The following PFKP variants were observed in gnomAD, a reference collection of about 807,000 sequenced individuals.
PFKP encodes the protein phosphofructokinase, platelet.
A neutral mutation model predicts 94.3 loss-of-function variants in PFKP; 101 were observed. The ratio of observed to expected loss-of-function variants is 1.07; its 90% confidence interval spans 0.91 to 1.26. The LOEUF (loss-of-function observed/expected upper bound fraction) is 1.26, where lower values mean the gene tolerates loss of function less well. Among genes scored for constraint, PFKP ranks in the 50% most tolerant of loss-of-function variants. PFKP has a pLI of 0.00. For synonymous variants in PFKP, 573 were observed against 432.6 expected (o/e 1.32, Z -4.03); for missense variants, 1,145 against 1,103.3 (o/e 1.04, Z -0.53).
intron 2 of PFKP, among the ~76,000 whole-genome samples, chr10:3,084,071 T>C (rs958137470): frequency 5.3e-5 from 8 of 152,258 alleles, no homozygotes; most frequent in Non-Finnish European, 1.2e-4. Flanking sequence ...TAAGCTATTG[T>C]AACACTGCAA....
rs188172848 is a variant in PFKP at position 3,093,683 on chromosome 10, A to G, written c.187-5592A>G. Among the ~76,000 whole-genome samples the G allele has an allele frequency of 4.9e-3, 588 of 119,308 alleles. 4 individuals carry two copies. The highest frequency in any genetic ancestry group is 0.017 in the African/African-American group (522 of 29,952). 78.3% of individuals were successfully genotyped at this position (119,308 alleles called of 152,430 possible). Reference sequence around the variant, plus strand: ...TTTTGAGACAGAGTCTTGCTCTGTCACCCAGGCTGGAGTGCAGTGGCGCAA... The same window carrying G: ...TTTTGAGACAGAGTCTTGCTCTGTCGCCCAGGCTGGAGTGCAGTGGCGCAA... On this transcript the variant is annotated intron_variant, in intron 2 of 21. Transcript: ENST00000381125.
chr10:3,125,158 C>G (rs1405045021), intron 16 of PFKP: 3 of 1,350,494 alleles, frequency 2.2e-6, no homozygotes, highest in East Asian at 4.8e-5. Flanking sequence ...CTTTGCATCC[C>G]CCTGTGTGTG....
At chr10:3,109,040 C>A in intron 9 of PFKP, among the ~76,000 whole-genome samples, 1 of 148,586 alleles carries the variant, frequency 6.7e-6, no homozygotes, top group Non-Finnish European at 1.5e-5. Context: ...GACGTGGACC[C>A]CAGAGGGCAC....
At position 3,118,851 on chromosome 10, in the gene PFKP, G is replaced by C. The variant is rs375776583; in HGVS notation, c.1512G>C (p.Leu504=). The C allele has an allele frequency of 3.3e-5, 53 of 1,612,868 alleles. No individual in the cohort carries two copies. Among genetic ancestry groups the C allele is most frequent in the Non-Finnish European group, 2.2e-5 (26 of 1,179,230 alleles). The change falls in exon 15 of 22, where the codon CTG becomes CTC. Residue 504 remains leucine (L), a synonymous_variant. Transcript: ENST00000381125. ...GCACGCACAGCATCAACGCGCTGCT[G>C]ATCATCGGTGGATTCGAGGTACGTT... is the stretch of plus-strand genomic sequence containing the variant. ...QMRTHSINAL[L]IIGGFEAYLG...
At chr10:3,101,950 G>T (rs1835032158) in intron 4 of PFKP, among the ~76,000 whole-genome samples, 1 of 152,136 alleles carries the variant, frequency 6.6e-6, no homozygotes, top group African/African-American at 2.4e-5. Context: ...GCTCGCTGGG[G>T]TCCTTTAAAA....
rs149469235 is a variant in PFKP, at chr10:3,077,599, A to G, written c.113-4789A>G. Among the ~76,000 whole-genome samples the G allele has an allele frequency of 2.1e-3, 319 of 152,134 alleles. 2 individuals carry two copies. Among genetic ancestry groups the G allele is most frequent in the African/African-American group, 7.3e-3 (303 of 41,500 alleles). Reference sequence around the variant, plus strand: ...ACTTTTTAAAAAAAAAATGCAATTTAGATTTTATCAGAGCAGAATCCCAGG... The same window carrying G: ...ACTTTTTAAAAAAAAAATGCAATTTGGATTTTATCAGAGCAGAATCCCAGG... On this transcript the variant is annotated intron_variant, in intron 1 of 21. Transcript: ENST00000381125.
At chr10:3,111,323 T>C (rs7921718) in intron 10 of PFKP, among the ~76,000 whole-genome samples, 150,808 of 152,116 alleles carry the variant, frequency 0.99, 74,775 homozygotes, top group Middle Eastern at 1. Flanking sequence ...CATATGTGTG[T>C]ATGTTGGAGT....
chr10:3,128,392 G>C (rs144308973), intron 16 of PFKP, among the ~76,000 whole-genome samples: 35 of 152,346 alleles, frequency 2.3e-4, no homozygotes, highest in Non-Finnish European at 4.1e-4. Flanking sequence ...AAACCAGGTG[G>C]TGTTTTCCTG....
In PFKP at chr10:3,113,808, G is replaced by GC. The variant is rs200479272; in HGVS notation, c.1371+290_1371+291insC. ...GCCCTGACATTAGGTGAGAAGGAAG[G>GC]TGGCGTTGTCTCGGAGGCTGTGGTT... On this transcript the variant is annotated intron_variant, in intron 13 of 21. Transcript: ENST00000381125. 7.1e-3 allele frequency among the ~76,000 whole-genome samples: 1,074 copies of GC among 152,300 alleles called. 12 individuals are homozygous for GC. The highest frequency in any genetic ancestry group is 0.024 in the African/African-American group (1,017 of 41,570).
Position 3,099,258 on chromosome 10 carries a change from C to T in PFKP, c.187-17C>T, listed in dbSNP as rs748114452. ...AAGTTTATCTCATTTTTAAAAGATT[C>T]TCCCTTTCTCCCCTAGGGCTACCAG... On this transcript the variant is annotated splice_polypyrimidine_tract_variant and intron_variant, in intron 2 of 21. Coordinates refer to ENST00000381125, the MANE Select transcript of PFKP (RefSeq NM_002627.5). 2 of 1,598,072 alleles carry T rather than the reference C, an allele frequency of 1.3e-6. No homozygotes were observed. Among genetic ancestry groups the T allele is most frequent in the Admixed American group, 3.3e-5 (2 of 59,820 alleles).
At chr10:3,119,447 A>C (rs1253356141) in intron 15 of PFKP, among the ~76,000 whole-genome samples, 1 of 149,856 alleles carries the variant, frequency 6.7e-6, no homozygotes, top group Non-Finnish European at 1.5e-5. Context: ...CTCTACTAAA[A>C]TATAAAAATT....
intron 7 of PFKP, among the ~76,000 whole-genome samples, chr10:3,106,586 C>A (rs113063104): frequency 0.14 from 12,749 of 91,832 alleles, 855 homozygotes; most frequent in East Asian, 0.27. Context: ...CCGCCCTGCT[C>A]CTTCACCCCT....
At chr10:3,100,428 G>C (rs561806226) in intron 3 of PFKP, among the ~76,000 whole-genome samples, 1 of 152,108 alleles carries the variant, frequency 6.6e-6, no homozygotes, top group Non-Finnish European at 1.5e-5. Context: ...ATGGTGGTAG[G>C]TTTCATGTAA....
intron 2 of PFKP, among the ~76,000 whole-genome samples, chr10:3,086,687 G>T (rs988472391): frequency 1.3e-5 from 2 of 152,042 alleles, no homozygotes; most frequent in Non-Finnish European, 2.9e-5. Flanking sequence ...AATGTTGTTA[G>T]CTGGGGAGGG....
At chr10:3,072,385 G>A (rs1832263045) in intron 1 of PFKP, among the ~76,000 whole-genome samples, 1 of 152,208 alleles carries the variant, frequency 6.6e-6, no homozygotes, top group African/African-American at 2.4e-5. Flanking sequence ...AGCCCAGTAG[G>A]GTGGAAGGGG....
chr10:3,099,001 C>T (rs923251260), intron 2 of PFKP, among the ~76,000 whole-genome samples: 2 of 152,188 alleles, frequency 1.3e-5, no homozygotes, highest in Non-Finnish European at 2.9e-5. Flanking sequence ...CTTTCAACCT[C>T]TCGGGAAACG....
chr10:3,105,252 C>T, intron 6 of PFKP, 93 bp downstream of exon 6: 1 of 1,390,606 alleles, frequency 7.2e-7, no homozygotes, highest in Non-Finnish European at 1.0e-6. Flanking sequence ...CTGAATGCTC[C>T]CGTGGAAAGT....
chr10:3,084,619 T>C (rs2131433810), intron 2 of PFKP, among the ~76,000 whole-genome samples: 1 of 152,108 alleles, frequency 6.6e-6, no homozygotes, highest in East Asian at 1.9e-4. Context: ...TTTCCCTGCC[T>C]GGACCCTGGC....
chr10:3,084,727 GCCCC>G, intron 2 of PFKP, among the ~76,000 whole-genome samples: 1 of 113,492 alleles, frequency 8.8e-6, no homozygotes, highest in South Asian at 2.8e-4. Context: ...GAGTCCTCCA[GCCCC>G]TCCCCAGGAG....
Sources: allele counts gnomAD v4.1 joint callset (sites outside exome capture counted in the v4.1 genomes callset), GRCh38; gene constraint gnomAD v4.1.1; transcripts MANE v1.5; gene names NCBI Gene and HGNC (gene_info 2026-07-23, HGNC 2026-07-21).